Variants in XKR6 observed in about 807,000 individuals in gnomAD.
XKR6 encodes XK related 6.
A neutral mutation model predicts 56.7 loss-of-function variants in XKR6; 22 were observed. The ratio of observed to expected loss-of-function variants is 0.39; its 90% CI spans 0.28 to 0.55. XKR6 has a LOEUF of 0.55. Ranked by LOEUF, XKR6 falls within the 20% of genes least tolerant of loss-of-function variation. The pLI is 0.66. For synonymous variants in XKR6, 524 were observed against 387.8 expected (o/e 1.35, Z -4.13); for missense variants, 852 against 889.0 (o/e 0.96, Z 0.53).
chr8:10,940,003 C>T (rs1801341346), intron 1 of XKR6, among the ~76,000 whole-genome samples: 1 of 152,240 alleles, frequency 6.6e-6, no homozygotes, highest in Non-Finnish European at 1.5e-5. Flanking sequence ...ACCTGAGAAG[C>T]ACCTGGAGTG....
At chr8:11,035,265 C>A in intron 1 of XKR6, 1 of 534,768 alleles carries the variant, frequency 1.9e-6, no homozygotes, top group Non-Finnish European at 3.8e-6. Flanking sequence ...CAGCTCACAC[C>A]ATCGGGATCA....
At position 11,060,462 on chromosome 8, in the gene XKR6, G is replaced by A. The variant is rs562763027; in HGVS notation, c.765-135632C>T. Among the ~76,000 whole-genome samples, 2 of 152,134 alleles carry A rather than the reference G, an allele frequency of 1.3e-5. 1 individual carries two copies. Among genetic ancestry groups the A allele is most frequent in the South Asian group, 4.1e-4 (2 of 4,822 alleles). On this transcript the variant is annotated intron_variant, in intron 1 of 2. Coordinates refer to ENST00000416569, the MANE Select transcript of XKR6 (RefSeq NM_173683.4). ...ATGGCGCCACCCGCCGGGAACTAGGGGTGCTCCCTGTACTCCCAGGGGGAC... is the reference window on the plus strand; with the variant it reads ...ATGGCGCCACCCGCCGGGAACTAGGAGTGCTCCCTGTACTCCCAGGGGGAC...
chr8:10,978,513 G>T (rs561956348), intron 1 of XKR6, among the ~76,000 whole-genome samples: 1 of 152,178 alleles, frequency 6.6e-6, no homozygotes, highest in South Asian at 2.1e-4. Flanking sequence ...TGGGAAACAG[G>T]TGTATTTTAT....
chr8:11,009,750 TC>T (rs1204752975), intron 1 of XKR6, among the ~76,000 whole-genome samples: 4 of 152,142 alleles, frequency 2.6e-5, no homozygotes, highest in Non-Finnish European at 4.4e-5. Context: ...AGAAAGGACA[TC>T]AGGGAAAACT....
chr8:11,142,956 G>A (rs1207662928), intron 1 of XKR6, among the ~76,000 whole-genome samples: 3 of 152,114 alleles, frequency 2.0e-5, no homozygotes, highest in East Asian at 1.9e-4. Context: ...AGGATGACAG[G>A]AAATCAATTC....
Position 10,903,919 on chromosome 8 carries a change from C to T in XKR6, c.962-5003G>A, listed in dbSNP as rs1413918619. On this transcript the variant is annotated intron_variant, in intron 2 of 2. Coordinates refer to ENST00000416569, the MANE Select transcript of XKR6 (RefSeq NM_173683.4). ...AAGGAGTGAGTACAGGTTCTTCCTTCTCTGCAGTGGCTCACTTGGAGAATT... is the reference window on the plus strand; with the variant it reads ...AAGGAGTGAGTACAGGTTCTTCCTTTTCTGCAGTGGCTCACTTGGAGAATT... 2.6e-5 allele frequency among the ~76,000 whole-genome samples: 4 copies of T among 152,296 alleles called. No individual in the cohort carries two copies. In the East Asian group the frequency reaches 7.7e-4, roughly 29 times the overall value.
intron 1 of XKR6, among the ~76,000 whole-genome samples, chr8:11,150,772 G>C (rs1026673701): frequency 6.6e-6 from 1 of 150,442 alleles, no homozygotes; most frequent in Non-Finnish European, 1.5e-5. Context: ...AGAGTCGCTT[G>C]AGGCCGGGAG....
chr8:10,911,548 T>G (rs117467207), intron 2 of XKR6, among the ~76,000 whole-genome samples: 22,631 of 146,646 alleles, frequency 0.15, 2,035 homozygotes, highest in Non-Finnish European at 0.21. Flanking sequence ...AATATATATA[T>G]ATAGAGAGAA....
intron 1 of XKR6, among the ~76,000 whole-genome samples, chr8:11,125,038 G>C (rs1333827250): frequency 6.8e-6 from 1 of 146,874 alleles, no homozygotes; most frequent in African/African-American, 2.5e-5. Flanking sequence ...GCAGTGAGCC[G>C]AGATCACGCC....
At chr8:11,161,528 C>T (rs978009011) in intron 1 of XKR6, among the ~76,000 whole-genome samples, 5 of 152,206 alleles carry the variant, frequency 3.3e-5, no homozygotes, top group African/African-American at 1.2e-4. Context: ...CTAACAATGA[C>T]CACAATGCAC....
chr8:11,102,133 G>A (rs1488453992), intron 1 of XKR6, among the ~76,000 whole-genome samples: 3 of 152,066 alleles, frequency 2.0e-5, no homozygotes, highest in African/African-American at 7.2e-5. Flanking sequence ...ACAAACCTGT[G>A]GGTCAATCCC....
rs796734174 is a variant in XKR6 at position 10,968,695 on chromosome 8, C to T, written c.765-43865G>A. ...TACCTGACCCCATCGGATAAAACCA[C>T]CAGGAGGAGAAAGAGAAAGAGTTGG... On this transcript the variant is annotated intron_variant, in intron 1 of 2. Transcript: ENST00000416569. Among the ~76,000 whole-genome samples, 55 of 152,222 alleles carry T rather than the reference C, an allele frequency of 3.6e-4. 1 individual carries two copies. Among genetic ancestry groups the T allele is most frequent in the African/African-American group, 1.3e-3 (53 of 41,530 alleles).
rs184961347 is a variant in XKR6 at position 11,133,905 on chromosome 8, G to C, written c.764+66671C>G. 4.0e-4 allele frequency among the ~76,000 whole-genome samples: 61 copies of C among 151,756 alleles called. No individual in the cohort carries two copies. The East Asian group carries it at 7.5e-3, about 19-fold the overall frequency. On this transcript the variant is annotated intron_variant, in intron 1 of 2. Coordinates refer to ENST00000416569, the MANE Select transcript of XKR6 (RefSeq NM_173683.4). The stretch of plus-strand genomic sequence containing the variant: ...GACTTCCTCCCATTTATGGAATAAA[G>C]TCTAAACCCCACAACTTTGTCTATG...
chr8:10,932,662 G>C (rs1162324399), intron 1 of XKR6, among the ~76,000 whole-genome samples: 1 of 134,804 alleles, frequency 7.4e-6, no homozygotes, highest in Non-Finnish European at 1.6e-5. Context: ...ACCTATGAGT[G>C]AGAATATGCG....
At chr8:11,102,279 T>C (rs966934851) in intron 1 of XKR6, among the ~76,000 whole-genome samples, 5 of 152,168 alleles carry the variant, frequency 3.3e-5, no homozygotes, top group Non-Finnish European at 5.9e-5. Context: ...CATATTCAAA[T>C]TCATTTATGC....
At chr8:11,183,225 G>A (rs776007872) in intron 1 of XKR6, among the ~76,000 whole-genome samples, 3 of 152,150 alleles carry the variant, frequency 2.0e-5, no homozygotes, top group East Asian at 1.9e-4. Flanking sequence ...TATACAGCCC[G>A]AATTGAAACT....
At position 10,897,989 on chromosome 8, in the gene XKR6, A is replaced by T. The variant is rs1437910617; in HGVS notation, c.1889T>A (p.Leu630His). ...CTCATACTGTAGCAACTCATAGAGG[A>T]GTGGTCCGTCTCGATATCGAATGCC... Reference protein sequence around the residue: ...AVGIRYRDGPLLYELLQYESS... With the variant: ...AVGIRYRDGPHLYELLQYESS... Residue 630 changes from leucine (L) to histidine (H), a missense_variant, in exon 3 of 3, where the codon CTC (leucine) becomes CAC (histidine). Transcript: ENST00000416569. 1 of 1,606,510 alleles carries T rather than the reference A, an allele frequency of 6.2e-7. No homozygotes were observed. The highest frequency in any genetic ancestry group is 8.5e-7 in the Non-Finnish European group (1 of 1,176,778).
intron 1 of XKR6, among the ~76,000 whole-genome samples, chr8:10,963,699 C>T (rs1394975746): frequency 6.6e-6 from 1 of 151,744 alleles, no homozygotes; most frequent in Admixed American, 6.6e-5. Flanking sequence ...TAAATGCCAT[C>T]ATGCCTGGCT....
intron 1 of XKR6, among the ~76,000 whole-genome samples, chr8:11,001,913 C>T (rs765178230): frequency 6.6e-6 from 1 of 152,184 alleles, no homozygotes; most frequent in Admixed American, 6.5e-5. Context: ...TGTTCAGCCT[C>T]TCCAGCCCCA....
Sources: gnomAD v4.1 joint callset for allele counts (sites outside exome capture counted in the v4.1 genomes callset) on GRCh38, gnomAD v4.1.1 for gene constraint, MANE v1.5 for transcripts, NCBI Gene and HGNC (gene_info 2026-07-23, HGNC 2026-07-21) for gene names.